PTK2: variants seen among roughly 807,000 people sequenced by gnomAD.
PTK2 encodes focal adhesion kinase 1.
A neutral mutation model predicts 150.1 loss-of-function variants in PTK2; 45 were observed. The ratio of observed to expected loss-of-function variants is 0.30; its 90% confidence interval spans 0.24 to 0.38. The LOEUF (loss-of-function observed/expected upper bound fraction) is 0.38. Ranked by LOEUF, PTK2 falls within the 10% of genes least tolerant of loss-of-function variation. The probability of loss-of-function intolerance (pLI) is 1.00; values close to 1 mark genes in which losing one functional copy is unlikely to be tolerated. For synonymous variants in PTK2, 432 were observed against 449.2 expected, an observed-to-expected ratio of 0.96 and a Z score of 0.48; for missense variants, 919 against 1,307.3, an observed-to-expected ratio of 0.70 and a Z score of 4.58.
chr8:140,961,444 A>C (rs1310760312), intron 1 of PTK2, among the ~76,000 whole-genome samples: 2 of 152,086 alleles, frequency 1.3e-5, no homozygotes. Context: ...AGTGGATCAC[A>C]AGGTCAGGAG....
At chr8:140,831,375 A>C (rs2100115298) in intron 7 of PTK2, among the ~76,000 whole-genome samples, 3 of 152,236 alleles carry the variant, frequency 2.0e-5, no homozygotes, top group Admixed American at 2.0e-4. Flanking sequence ...AGGGAAATAC[A>C]GGTATCTTTT....
intron 12 of PTK2, among the ~76,000 whole-genome samples, chr8:140,798,881 A>AAAT (rs912953321): frequency 1.3e-5 from 2 of 152,214 alleles, no homozygotes; most frequent in African/African-American, 2.4e-5. Context: ...ATAAAAATAA[A>AAAT]AAATAAAGCA....
intron 2 of PTK2, among the ~76,000 whole-genome samples, chr8:140,918,259 C>T (rs763643705): frequency 3.3e-5 from 5 of 152,106 alleles, no homozygotes; most frequent in Non-Finnish European, 7.4e-5. Context: ...AAAAGGACAA[C>T]GGCCCAAAGC....
chr8:140,678,834 G>A (rs1338073819), intron 27 of PTK2, among the ~76,000 whole-genome samples: 1 of 152,008 alleles, frequency 6.6e-6, no homozygotes, highest in African/African-American at 2.4e-5. Context: ...GCAGGGAATG[G>A]TGGAAACGGG....
intron 1 of PTK2, among the ~76,000 whole-genome samples, chr8:140,930,836 G>T (rs1048234386): frequency 6.6e-5 from 10 of 152,116 alleles, no homozygotes; most frequent in African/African-American, 2.4e-4. Context: ...CACTTTGAGA[G>T]GCTGAGGTGG....
At chr8:140,933,806 T>C (rs1195621915) in intron 1 of PTK2, among the ~76,000 whole-genome samples, 1 of 151,992 alleles carries the variant, frequency 6.6e-6, no homozygotes, top group Admixed American at 6.6e-5. Context: ...TTTCTAAAAT[T>C]GATGGTGGTG....
intron 5 of PTK2, among the ~76,000 whole-genome samples, chr8:140,849,690 G>A (rs1341759123): frequency 6.6e-6 from 1 of 152,186 alleles, no homozygotes; most frequent in Non-Finnish European, 1.5e-5. Flanking sequence ...TACTTAAGGA[G>A]TATCCACCAG....
intron 2 of PTK2, among the ~76,000 whole-genome samples, chr8:140,895,285 T>C (rs990642376): frequency 7.9e-5 from 12 of 152,114 alleles, no homozygotes; most frequent in African/African-American, 2.7e-4. Context: ...CCCAGCACTT[T>C]TGGAGGCTGA....
intron 19 of PTK2, among the ~76,000 whole-genome samples, chr8:140,743,572 ATGGC>A (rs2100056954): frequency 6.6e-6 from 1 of 152,066 alleles, no homozygotes; most frequent in Non-Finnish European, 1.5e-5. Context: ...ATTCTGAATG[ATGGC>A]AAAGTACATT....
At chr8:140,911,186 C>T (rs939999248) in intron 2 of PTK2, among the ~76,000 whole-genome samples, 2 of 152,016 alleles carry the variant, frequency 1.3e-5, no homozygotes, top group African/African-American at 4.8e-5. Flanking sequence ...CCACAGCACC[C>T]AGCACTTTCT....
At chr8:140,958,148 T>A (rs2100181832) in intron 1 of PTK2, among the ~76,000 whole-genome samples, 1 of 152,074 alleles carries the variant, frequency 6.6e-6, no homozygotes, top group Admixed American at 6.6e-5. Context: ...TACTAATTTT[T>A]TGTTTTTGAG....
chr8:140,709,534 G>A (rs2154179626), intron 23 of PTK2, among the ~76,000 whole-genome samples: 1 of 152,332 alleles, frequency 6.6e-6, no homozygotes, highest in East Asian at 1.9e-4. Context: ...GACTGTCAGT[G>A]TTCACAGTTA....
chr8:140,857,593 C>T (rs574260658), intron 5 of PTK2, among the ~76,000 whole-genome samples: 15 of 152,146 alleles, frequency 9.9e-5, no homozygotes, highest in African/African-American at 3.6e-4. Context: ...GGCAGAGGGA[C>T]GAAATAAGAA....
chr8:140,872,346 G>A (rs1219840445), intron 4 of PTK2, among the ~76,000 whole-genome samples: 2 of 152,066 alleles, frequency 1.3e-5, no homozygotes, highest in East Asian at 1.9e-4. Context: ...CGCCTGGCCC[G>A]CTGCATGCTT....
At chr8:140,688,288 T>C (rs551512689) in intron 26 of PTK2, among the ~76,000 whole-genome samples, 71 of 152,292 alleles carry the variant, frequency 4.7e-4, no homozygotes, top group African/African-American at 1.6e-3. Context: ...CAGTTCCTGG[T>C]TGGTGCGCAC....
At chr8:140,704,243 T>C (rs1390649565) in intron 24 of PTK2, among the ~76,000 whole-genome samples, 2 of 152,152 alleles carry the variant, frequency 1.3e-5, no homozygotes, top group South Asian at 4.1e-4. Flanking sequence ...AGGCTAAAAA[T>C]GAAGTAACAT....
intron 24 of PTK2, among the ~76,000 whole-genome samples, chr8:140,704,130 T>C (rs2100032339): frequency 6.6e-6 from 1 of 152,202 alleles, no homozygotes; most frequent in African/African-American, 2.4e-5. Flanking sequence ...TGAAAAGGGA[T>C]GTATTATTGC....
At chr8:140,705,544 G>C (rs2100033235) in intron 24 of PTK2, among the ~76,000 whole-genome samples, 2 of 152,134 alleles carry the variant, frequency 1.3e-5, no homozygotes, top group Non-Finnish European at 2.9e-5. Flanking sequence ...AGTGAGGATG[G>C]GATGCACTGG....
At position 140,700,919 on chromosome 8, in the gene PTK2, C is replaced by T. The variant is rs200596356; in HGVS notation, c.2471G>A (p.Arg824His). The T allele has an allele frequency of 1.5e-4, 242 of 1,614,066 alleles. No individual in the cohort carries two copies. Among genetic ancestry groups the T allele is most frequent in the Non-Finnish European group, 1.9e-4 (224 of 1,179,948 alleles). The change falls in exon 26 of 32, where the codon CGC becomes CAC. Residue 824 changes from arginine (R) to histidine (H), a missense_variant. Arg to His is a conservative substitution (Grantham distance 29). Around this residue, in one of 3 missense-constraint regions of PTK2, gnomAD observed 258 missense variants for 265.4 expected, o/e 0.97. Coordinates refer to ENST00000522684, the Ensembl canonical transcript of PTK2. ...AAATCTTTCCTCTTTTTCCAGCCAG[C>T]GCTGATCTTCTTCCATTTCCTGTTG...
Sources: gnomAD v4.1 joint callset for allele counts (sites outside exome capture counted in the v4.1 genomes callset) on GRCh38, gnomAD v4.1.1 for gene constraint, gnomAD v4.1.1 regional missense constraint, MANE v1.5 for transcripts, NCBI Gene and HGNC (gene_info 2026-07-23, HGNC 2026-07-21) for gene names.